The following FA2H variants were observed in gnomAD, a reference collection of about 807,000 sequenced individuals.
FA2H encodes fatty acid 2-hydroxylase.
A neutral mutation model predicts 44.9 loss-of-function variants in FA2H; 22 were observed. That is an observed-to-expected ratio of 0.49 (90% confidence interval 0.35 to 0.70). The LOEUF (loss-of-function observed/expected upper bound fraction) is 0.70. Among genes scored for constraint, FA2H ranks in the 30% least tolerant of loss-of-function variants. The probability of loss-of-function intolerance (pLI) is 0.01; values close to 1 mark genes in which losing one functional copy is unlikely to be tolerated. For missense variants in FA2H, 501 were observed against 504.9 expected (o/e 0.99, Z 0.07); for synonymous variants, 243 against 213.2 (o/e 1.14, Z -1.22).
chr16:74,738,619 C>T (rs1343464516), intron 2 of FA2H, among the ~76,000 whole-genome samples: 1 of 152,214 alleles, frequency 6.6e-6, no homozygotes, highest in African/African-American at 2.4e-5. Flanking sequence ...CTCACAGATG[C>T]CTCTCTCTGC....
At chr16:74,720,374 T>C (rs1335770576) in intron 4 of FA2H, among the ~76,000 whole-genome samples, 1 of 151,472 alleles carries the variant, frequency 6.6e-6, no homozygotes, top group Admixed American at 6.6e-5. Context: ...TTTTATATTT[T>C]TAGTAGAGAG....
At chr16:74,739,552 T>C (rs1239299160) in intron 2 of FA2H, among the ~76,000 whole-genome samples, 1 of 152,172 alleles carries the variant, frequency 6.6e-6, no homozygotes, top group Non-Finnish European at 1.5e-5. Flanking sequence ...CTCTGACTCC[T>C]CCCAAACACG....
chr16:74,769,984 G>C (rs1480301323), intron 1 of FA2H, among the ~76,000 whole-genome samples: 1 of 152,250 alleles, frequency 6.6e-6, no homozygotes, highest in Admixed American at 6.5e-5. Context: ...TACCTACAGA[G>C]GGTGCAGCAA....
intron 1 of FA2H, among the ~76,000 whole-genome samples, chr16:74,761,680 A>T (rs1037378530): frequency 6.6e-6 from 1 of 152,136 alleles, no homozygotes; most frequent in Non-Finnish European, 1.5e-5. Context: ...TCCTACCCCA[A>T]CTTTGCCCTG....
chr16:74,716,419 G>A lies in FA2H; in HGVS notation c.967C>T (p.Pro323Ser), dbSNP rs761580869. 11 of 1,614,054 alleles carry A rather than the reference G, an allele frequency of 6.8e-6. No homozygotes were observed. Among genetic ancestry groups the A allele is most frequent in the Non-Finnish European group, 9.3e-6 (11 of 1,180,014 alleles). Reference sequence around the variant, plus strand: ...CTGTACAGGTAGGAGCCCTTGTGCGGCGAGCCAAAGTGCAGGTAGTAATGG... The same window carrying A: ...CTGTACAGGTAGGAGCCCTTGTGCGACGAGCCAAAGTGCAGGTAGTAATGG... ...MTHYYLHFGSPHKGSYLYSLK... is the reference protein window; with the variant it reads ...MTHYYLHFGSSHKGSYLYSLK... Residue 323 changes from proline (P) to serine (S), a missense_variant, in exon 6 of 7, where the codon CCG becomes TCG. Transcript: ENST00000219368.
rs576534015 is a variant in FA2H, at chr16:74,713,248, G to C, written c.*942C>G. ...GAAAGGGCCGTCTGACCAGCTCCTT[G>C]GTCTGGGACCAGACTAAGAACATGT... On this transcript the variant is annotated 3_prime_UTR_variant, in exon 7 of 7. Coordinates refer to ENST00000219368, the MANE Select transcript of FA2H (RefSeq NM_024306.5). 12 of 152,782 alleles carry C rather than the reference G, an allele frequency of 7.9e-5. No homozygotes were observed. The highest frequency in any genetic ancestry group is 2.9e-4 in the African/African-American group (12 of 41,582). The allele number at this position is 152,782 out of a possible 1,614,324, so 9.5% of individuals were successfully genotyped here.
chr16:74,725,874 G>A (rs1961942179), intron 4 of FA2H: 2 of 356,546 alleles, frequency 5.6e-6, no homozygotes, highest in South Asian at 2.2e-5. Context: ...GTCACCCGAT[G>A]AAGTGATTTC....
intron 5 of FA2H, chr16:74,717,011 G>C: frequency 5.0e-6 from 1 of 199,114 alleles, no homozygotes; most frequent in Non-Finnish European, 1.0e-5. Context: ...CCTAGACTGA[G>C]GCCTGATGTT....
chr16:74,738,443 A>G (rs1962223226), intron 2 of FA2H, among the ~76,000 whole-genome samples: 1 of 151,920 alleles, frequency 6.6e-6, no homozygotes, highest in African/African-American at 2.4e-5. Context: ...GACTGGGAGG[A>G]GCTGACCACA....
intron 2 of FA2H, among the ~76,000 whole-genome samples, 171 bp downstream of exon 2, chr16:74,739,852 G>A (rs533550667): frequency 6.6e-5 from 10 of 152,238 alleles, no homozygotes; most frequent in South Asian, 2.1e-4. Context: ...CACCCCTGCC[G>A]GAGTTTGCTG....
intron 1 of FA2H, among the ~76,000 whole-genome samples, chr16:74,755,036 C>A (rs116188504): frequency 6.6e-6 from 1 of 152,156 alleles, no homozygotes; most frequent in Non-Finnish European, 1.5e-5. Flanking sequence ...GACAGCAGCC[C>A]CCCTAGAAGC....
Position 74,774,751 on chromosome 16 carries a change from G to A in FA2H, c.5C>T (p.Ala2Val), listed in dbSNP as rs1337944520. The change falls in exon 1 of 7, where the codon GCC (alanine) becomes GTC (valine). Residue 2 changes from alanine (A) to valine (V), a missense_variant. Ala to Val is a moderately conservative substitution (Grantham distance 64). Transcript: ENST00000219368. Reference sequence around the variant, plus strand: ...GGAGGCGGCGGGGGGCGGAGCGGGGGCCATGGCCGGAGACCGCAGCTCCCA... The same window carrying A: ...GGAGGCGGCGGGGGGCGGAGCGGGGACCATGGCCGGAGACCGCAGCTCCCA... M[A>V]PAPPPAASFS... The A allele has an allele frequency of 1.5e-6, 2 of 1,305,644 alleles. No homozygotes were observed. Among genetic ancestry groups the A allele is most frequent in the East Asian group, 6.4e-5 (2 of 31,470 alleles). The allele number at this position is 1,305,644 out of a possible 1,614,324, so 80.9% of individuals were successfully genotyped here. A position where few individuals can be genotyped will look rare whatever the true frequency, so the allele number is the denominator to read the frequency against.
chr16:74,763,266 TG>T (rs1277190049), intron 1 of FA2H, among the ~76,000 whole-genome samples: 1 of 152,268 alleles, frequency 6.6e-6, no homozygotes, highest in East Asian at 1.9e-4. Context: ...AATTTTTTTT[TG>T]TTTTTTTTGA....
At chr16:74,748,749 AAGG>A (rs1962474563) in intron 1 of FA2H, among the ~76,000 whole-genome samples, 2 of 151,922 alleles carry the variant, frequency 1.3e-5, no homozygotes, top group Non-Finnish European at 2.9e-5. Context: ...GGCCGCGTGA[AAGG>A]AGGCAGTGTG....
At chr16:74,773,037 G>A (rs537320245) in intron 1 of FA2H, among the ~76,000 whole-genome samples, 3 of 151,854 alleles carry the variant, frequency 2.0e-5, no homozygotes, top group Admixed American at 6.6e-5. Flanking sequence ...CACCACACCC[G>A]GCTAATTTTG....
intron 2 of FA2H, among the ~76,000 whole-genome samples, chr16:74,739,728 G>A (rs1962254615): frequency 6.6e-6 from 1 of 152,214 alleles, no homozygotes; most frequent in African/African-American, 2.4e-5. Flanking sequence ...CCCCTTCTCA[G>A]CTTCAGGGGT....
At chr16:74,714,291 GAGA>G in intron 6 of FA2H, 22 bp from the exon 7 acceptor site, 1 of 1,480,610 alleles carries the variant, frequency 6.8e-7, no homozygotes, top group Non-Finnish European at 9.2e-7. Context: ...GACAAACGGG[GAGA>G]AGATGAGGCA....
rs76363691 is a variant in FA2H, at chr16:74,768,523, A to C, written c.270+5963T>G. ...AGGCTCCCCTGGGATGCCCCCTTAG[A>C]GGCCAAGTGATCTCAACCCCTCCAG... is the stretch of plus-strand genomic sequence containing the variant. On this transcript the variant is annotated intron_variant, in intron 1 of 6. Transcript: ENST00000219368. Among the ~76,000 whole-genome samples the C allele has an allele frequency of 4.8e-3, 738 of 152,328 alleles. 34 individuals carry two copies. In the East Asian group the frequency reaches 0.12, roughly 24 times the overall value.
intron 4 of FA2H, among the ~76,000 whole-genome samples, chr16:74,723,988 G>A (rs555755968): frequency 6.6e-6 from 1 of 152,174 alleles, no homozygotes; most frequent in African/African-American, 2.4e-5. Context: ...TGCAACCTCT[G>A]CCTCCTGGGT....
Sources: gnomAD v4.1 joint callset for allele counts (sites outside exome capture counted in the v4.1 genomes callset) on GRCh38, gnomAD v4.1.1 for gene constraint, MANE v1.5 for transcripts, NCBI Gene and HGNC (gene_info 2026-07-23, HGNC 2026-07-21) for gene names.